The following GMDS variants were observed in gnomAD, a reference collection of about 807,000 sequenced individuals.
GMDS encodes the protein GDP-mannose 4,6-dehydratase, also known as GDP-mannose 4,6 dehydratase.
GMDS carries 20 observed loss-of-function variants against 49.9 expected under a neutral mutation model. That is an observed-to-expected ratio of 0.40 (90% CI 0.28 to 0.58). GMDS has a LOEUF of 0.58. GMDS is among the 20% of genes least tolerant of loss of function. The pLI is 0.42. For synonymous variants in GMDS, 177 were observed against 178.6 expected (o/e 0.99, Z 0.07); for missense variants, 362 against 481.4 (o/e 0.75, Z 2.32).
chr6:2,051,213 C>A (rs1770374524), intron 4 of GMDS, among the ~76,000 whole-genome samples: 1 of 152,202 alleles, frequency 6.6e-6, no homozygotes, highest in Admixed American at 6.5e-5. Flanking sequence ...CCCCTGGAGC[C>A]TCTAGAAGGA....
chr6:1,643,839 G>T (rs1034774945), intron 9 of GMDS, among the ~76,000 whole-genome samples: 2 of 152,128 alleles, frequency 1.3e-5, no homozygotes, highest in African/African-American at 4.8e-5. Flanking sequence ...ATTAAAAAAA[G>T]TTGAAAGTCT....
intron 7 of GMDS, among the ~76,000 whole-genome samples, chr6:1,796,886 G>C (rs1042296456): frequency 6.6e-6 from 1 of 152,166 alleles, no homozygotes; most frequent in Non-Finnish European, 1.5e-5. Context: ...CAGTAAGTCA[G>C]TAAAAAAGTG....
chr6:1,866,950 G>A (rs1758470231), intron 7 of GMDS, among the ~76,000 whole-genome samples: 1 of 152,220 alleles, frequency 6.6e-6, no homozygotes, highest in South Asian at 2.1e-4. Flanking sequence ...ATAATTGACT[G>A]TTTTGTTAAC....
intron 7 of GMDS, among the ~76,000 whole-genome samples, chr6:1,839,900 C>T (rs963805704): frequency 1.2e-4 from 18 of 152,282 alleles, no homozygotes; most frequent in Middle Eastern, 3.4e-3. Context: ...GAACCAGTTT[C>T]GTCTTCGGCT....
At chr6:1,982,262 C>T (rs1388165861) in intron 4 of GMDS, among the ~76,000 whole-genome samples, 1 of 152,202 alleles carries the variant, frequency 6.6e-6, no homozygotes, top group African/African-American at 2.4e-5. Context: ...ATATGATAAA[C>T]TCACAGCCAT....
chr6:1,640,387 C>T lies in GMDS; in HGVS notation c.988-15847G>A, dbSNP rs762313896. ...GTCCTCATCCTCAGGCATGCCACAC[C>T]TGCAGGTGTGTTATGCACCTGTCAC... On this transcript the variant is annotated intron_variant, in intron 9 of 10. Coordinates refer to ENST00000380815, the MANE Select transcript of GMDS (RefSeq NM_001500.4). This position sits in a 1 kb window ranked among gnomAD's most constrained non-coding sequence, Gnocchi z 4.0. 6.6e-6 allele frequency among the ~76,000 whole-genome samples: 1 copy of T among 152,166 alleles called. No homozygotes were observed. Among genetic ancestry groups the T allele is most frequent in the African/African-American group, 2.4e-5 (1 of 41,444 alleles).
chr6:1,747,644 C>T (rs948680032), intron 7 of GMDS, among the ~76,000 whole-genome samples: 1 of 152,192 alleles, frequency 6.6e-6, no homozygotes, highest in Non-Finnish European at 1.5e-5. Context: ...TGCGTTTCAT[C>T]TCTAAACATT....
intron 7 of GMDS, among the ~76,000 whole-genome samples, chr6:1,785,075 C>T (rs1769263351): frequency 6.6e-6 from 1 of 152,146 alleles, no homozygotes; most frequent in Non-Finnish European, 1.5e-5. Context: ...CAAGAATCAA[C>T]ATAAAACTGC....
chr6:1,680,943 T>C (rs988474327), intron 9 of GMDS, among the ~76,000 whole-genome samples: 1 of 152,188 alleles, frequency 6.6e-6, no homozygotes, highest in African/African-American at 2.4e-5. Flanking sequence ...AGACAGAATG[T>C]AACAACTAGT....
At chr6:1,971,465 T>G (rs913081340) in intron 4 of GMDS, among the ~76,000 whole-genome samples, 1 of 152,238 alleles carries the variant, frequency 6.6e-6, no homozygotes, top group Admixed American at 6.5e-5. Context: ...GAGTGACAAA[T>G]GCTAACCAGA....
At chr6:1,791,497 T>A (rs867976786) in intron 7 of GMDS, among the ~76,000 whole-genome samples, 1 of 152,300 alleles carries the variant, frequency 6.6e-6, no homozygotes, top group African/African-American at 2.4e-5. Context: ...CCTGGCCTCT[T>A]GAACTCATCT....
chr6:1,814,022 T>G (rs1399766416), intron 7 of GMDS, among the ~76,000 whole-genome samples: 1 of 152,250 alleles, frequency 6.6e-6, no homozygotes, highest in African/African-American at 2.4e-5. Flanking sequence ...TGAAGTTCAG[T>G]GTTCTAAGGG....
intron 4 of GMDS, among the ~76,000 whole-genome samples, chr6:2,054,053 CA>C (rs1204506083): frequency 6.6e-6 from 1 of 152,060 alleles, no homozygotes; most frequent in Non-Finnish European, 1.5e-5. Flanking sequence ...TCATGAAAGA[CA>C]CTAAAGTTAC....
At chr6:1,684,198 T>C (rs1224198296) in intron 9 of GMDS, among the ~76,000 whole-genome samples, 3 of 152,138 alleles carry the variant, frequency 2.0e-5, no homozygotes, top group Non-Finnish European at 4.4e-5. Flanking sequence ...TGTGTGAGCA[T>C]CCGCTGAAGT....
Position 1,981,469 on chromosome 6 carries a change from C to T in GMDS, c.346-20503G>A, listed in dbSNP as rs1452461027. On this transcript the variant is annotated intron_variant, in intron 4 of 10. Coordinates refer to ENST00000380815, the MANE Select transcript of GMDS (RefSeq NM_001500.4). ...ATAAATTCCTGGACACATACACTCT[C>T]CCAAGACTGAACCAGGAAGCAACTG... Among the ~76,000 whole-genome samples the T allele has an allele frequency of 5.9e-5, 9 of 152,170 alleles. No homozygotes were observed. In the East Asian group the frequency reaches 1.5e-3, roughly 26 times the overall value.
intron 4 of GMDS, among the ~76,000 whole-genome samples, chr6:2,071,858 C>G (rs1772024709): frequency 6.6e-6 from 1 of 152,150 alleles, no homozygotes; most frequent in Non-Finnish European, 1.5e-5. Flanking sequence ...ATGTTTCTTA[C>G]TTTGAATGTG....
At chr6:2,199,242 A>G (rs934552296) in intron 1 of GMDS, among the ~76,000 whole-genome samples, 1 of 152,250 alleles carries the variant, frequency 6.6e-6, no homozygotes, top group Admixed American at 6.5e-5. Context: ...CCTAAACTCC[A>G]TTTAATGAAA....
intron 4 of GMDS, among the ~76,000 whole-genome samples, chr6:2,072,076 T>C (rs1772044595): frequency 6.6e-6 from 1 of 152,210 alleles, no homozygotes; most frequent in African/African-American, 2.4e-5. Context: ...TGCATGTGTG[T>C]GTGTATTGCA....
intron 7 of GMDS, among the ~76,000 whole-genome samples, chr6:1,920,805 G>A (rs996831826): frequency 6.6e-6 from 1 of 152,172 alleles, no homozygotes. Context: ...AACAGGCTGG[G>A]GTGGACTGAG....
Sources: gnomAD v4.1 joint callset for allele counts (sites outside exome capture counted in the v4.1 genomes callset) on GRCh38, gnomAD v4.1.1 for gene constraint, Gnocchi (gnomAD v3.1) non-coding constraint, MANE v1.5 for transcripts, NCBI Gene and HGNC (gene_info 2026-07-23, HGNC 2026-07-21) for gene names.